The following FIP1L1 variants were observed in gnomAD, a reference collection of about 807,000 sequenced individuals.
FIP1L1 encodes the protein pre-mRNA 3'-end-processing factor FIP1.
FIP1L1 carries 21 observed loss-of-function variants against 84.6 expected under a neutral mutation model. The ratio of observed to expected loss-of-function variants is 0.25; its 90% CI spans 0.18 to 0.36. The LOEUF is 0.36. FIP1L1 is among the 10% of genes least tolerant of loss of function. The pLI is 1.00. For synonymous variants in FIP1L1, 263 were observed against 242.3 expected, an observed-to-expected ratio of 1.09 and a Z score of -0.80; for missense variants, 526 against 751.1, an observed-to-expected ratio of 0.70 and a Z score of 3.50.
chr4:53,423,221 A>G (rs1763069676), intron 11 of FIP1L1, among the ~76,000 whole-genome samples: 1 of 152,162 alleles, frequency 6.6e-6, no homozygotes, highest in African/African-American at 2.4e-5. Context: ...GGGAACATTT[A>G]CTGCCTGTTT....
At chr4:53,409,885 C>T (rs1453602146) in intron 10 of FIP1L1, among the ~76,000 whole-genome samples, 2 of 152,228 alleles carry the variant, frequency 1.3e-5, no homozygotes, top group Non-Finnish European at 2.9e-5. Context: ...TTTCCAGGTG[C>T]TGTCTGTCAC....
intron 13 of FIP1L1, among the ~76,000 whole-genome samples, chr4:53,429,092 A>G (rs1765487709): frequency 6.6e-6 from 1 of 152,226 alleles, no homozygotes; most frequent in Admixed American, 6.5e-5. Context: ...CAGGGTCTGA[A>G]TAGTCCTTCC....
At position 53,400,323 on chromosome 4, in the gene FIP1L1, A is replaced by G. The variant is rs1438484804; in HGVS notation, c.815+484A>G. On this transcript the variant is annotated intron_variant, in intron 10 of 17. Coordinates refer to ENST00000337488, the MANE Select transcript of FIP1L1 (RefSeq NM_030917.4). Reference sequence around the variant, plus strand: ...GTTTGATTTTATATGATAATACCTCATATGTTCCCGAAGGTATCAGATGTA... The same window carrying G: ...GTTTGATTTTATATGATAATACCTCGTATGTTCCCGAAGGTATCAGATGTA... Among the ~76,000 whole-genome samples, 4 of 152,194 alleles carry G rather than the reference A, an allele frequency of 2.6e-5. No individual in the cohort carries two copies. In the South Asian group the frequency reaches 6.2e-4, roughly 24 times the overall value.
chr4:53,378,027 T>C, intron 1 of FIP1L1, 104 bp downstream of exon 1: 1 of 1,033,644 alleles, frequency 9.7e-7, no homozygotes. Flanking sequence ...TTCGGGCCTC[T>C]GGTTGGGAGT....
At chr4:53,439,701 AC>A (rs1410248341) in intron 13 of FIP1L1, among the ~76,000 whole-genome samples, 3 of 151,970 alleles carry the variant, frequency 2.0e-5, no homozygotes, top group Non-Finnish European at 2.9e-5. Context: ...AAATTGTCTT[AC>A]TTTTTTTTAT....
intron 3 of FIP1L1, among the ~76,000 whole-genome samples, chr4:53,381,753 C>CTTTTTTTTGTATTTTTTTTTTTTTTT (rs1738060942): frequency 1.1e-5 from 1 of 87,948 alleles, no homozygotes; most frequent in African/African-American, 5.6e-5. Context: ...CATTTGCATT[C>CTTTTTTTTGTATTTTTTTTTTTTTTT]TTTTTTTTTT....
chr4:53,403,365 T>TATTAG (rs1221030849), intron 10 of FIP1L1, among the ~76,000 whole-genome samples: 1 of 152,206 alleles, frequency 6.6e-6, no homozygotes, highest in African/African-American at 2.4e-5. Flanking sequence ...ACTTTTATTA[T>TATTAG]ATTAGATTGT....
chr4:53,382,359 G>A, intron 4 of FIP1L1, 24 bp downstream of exon 4: 3 of 1,588,958 alleles, frequency 1.9e-6, no homozygotes, highest in South Asian at 2.2e-5. Flanking sequence ...TTGAAATCCA[G>A]TTACTGATAC....
chr4:53,382,486 C>A, intron 4 of FIP1L1, 151 bp downstream of exon 4: 1 of 611,604 alleles, frequency 1.6e-6, no homozygotes, highest in Non-Finnish European at 2.9e-6. Context: ...CTGGTGCCAT[C>A]AAAAACATAT....
intron 10 of FIP1L1, among the ~76,000 whole-genome samples, chr4:53,406,322 C>T (rs1339877298): frequency 4.6e-5 from 7 of 152,064 alleles, no homozygotes; most frequent in Admixed American, 1.3e-4. Flanking sequence ...TATTGATTTT[C>T]GTATATTGAA....
At chr4:53,448,104 T>C (rs751581188) in intron 15 of FIP1L1, among the ~76,000 whole-genome samples, 4 of 152,132 alleles carry the variant, frequency 2.6e-5, no homozygotes, top group Non-Finnish European at 4.4e-5. Context: ...CATAAAGATA[T>C]TCTTTAATAC....
Position 53,405,107 on chromosome 4 carries a change from G to A in FIP1L1, c.815+5268G>A, listed in dbSNP as rs370757413. Among the ~76,000 whole-genome samples the A allele has an allele frequency of 2.4e-4, 36 of 152,286 alleles. 1 individual carries two copies. In the East Asian group the frequency reaches 2.7e-3, roughly 11 times the overall value. ...CCATGCCTGTGTCCTGAATGGTAATGCCTAGGTTTTCTTCTAGGGTTTTTA... is the reference window on the plus strand; with the variant it reads ...CCATGCCTGTGTCCTGAATGGTAATACCTAGGTTTTCTTCTAGGGTTTTTA... On this transcript the variant is annotated intron_variant, in intron 10 of 17. Coordinates refer to ENST00000337488, the MANE Select transcript of FIP1L1 (RefSeq NM_030917.4).
chr4:53,414,829 C>T, intron 11 of FIP1L1, 107 bp downstream of exon 11: 1 of 700,234 alleles, frequency 1.4e-6, no homozygotes, highest in South Asian at 2.0e-5. Context: ...TTTTTACCCT[C>T]CAACTTATGC....
intron 13 of FIP1L1, among the ~76,000 whole-genome samples, chr4:53,439,230 A>T (rs1311698825): frequency 2.6e-5 from 4 of 152,114 alleles, no homozygotes; most frequent in African/African-American, 7.2e-5. Context: ...TAATTTGGGA[A>T]ACAGGAAGGT....
At chr4:53,402,322 T>A (rs1750680159) in intron 10 of FIP1L1, among the ~76,000 whole-genome samples, 1 of 151,864 alleles carries the variant, frequency 6.6e-6, no homozygotes, top group Non-Finnish European at 1.5e-5. Context: ...GGAAGACTAT[T>A]TTCTTTCTGT....
At chr4:53,421,875 T>TCCTG in intron 11 of FIP1L1, among the ~76,000 whole-genome samples, 1 of 152,346 alleles carries the variant, frequency 6.6e-6, no homozygotes, top group South Asian at 2.1e-4. Flanking sequence ...ATCAGGGACG[T>TCCTG]CCTGATTCTT....
chr4:53,408,720 C>T (rs1361116152), intron 10 of FIP1L1, among the ~76,000 whole-genome samples: 1 of 152,076 alleles, frequency 6.6e-6, no homozygotes, highest in Non-Finnish European at 1.5e-5. Context: ...CTCTAAACTT[C>T]CCTTCTCACT....
chr4:53,440,589 A>C (rs571714137), intron 13 of FIP1L1: 9 of 1,521,368 alleles, frequency 5.9e-6, no homozygotes, highest in Non-Finnish European at 6.3e-6. Context: ...TAGGTATTCC[A>C]ATAACTGTAC....
rs775323864 is a variant in FIP1L1 at position 53,389,790 on chromosome 4, T to A, written c.333-19T>A. The stretch of plus-strand genomic sequence containing the variant: ...CTTTTCAGGATAATTTCTGTTTTTT[T>A]TTGTTTGTTTGTTTTTAGGAGTTAT... On this transcript the variant is annotated intron_variant, in intron 5 of 17. Coordinates refer to ENST00000337488, the MANE Select transcript of FIP1L1 (RefSeq NM_030917.4). 6.3e-7 allele frequency: 1 copy of A among 1,589,284 alleles called. No individual in the cohort carries two copies. The highest frequency in any genetic ancestry group is 1.8e-5 in the Admixed American group (1 of 55,266).
Sources: allele counts gnomAD v4.1 joint callset (sites outside exome capture counted in the v4.1 genomes callset), GRCh38; gene constraint gnomAD v4.1.1; transcripts MANE v1.5; gene names NCBI Gene and HGNC (gene_info 2026-07-23, HGNC 2026-07-21).